SMYD3: variants seen among roughly 807,000 people sequenced by gnomAD.
SMYD3 encodes the protein histone-lysine N-methyltransferase SMYD3.
Under a neutral mutation model 57.7 loss-of-function variants are expected in SMYD3, and 36 were observed. That is an observed-to-expected ratio of 0.62 (90% confidence interval 0.48 to 0.82). The LOEUF is 0.82. Among genes scored for constraint, SMYD3 ranks in the 40% least tolerant of loss-of-function variants. The pLI is 0.00. For missense variants in SMYD3, 515 were observed against 538.8 expected (o/e 0.96, Z 0.44); for synonymous variants, 211 against 195.0 (o/e 1.08, Z -0.68).
chr1:245,896,051 T>C (rs1001193110), intron 8 of SMYD3, among the ~76,000 whole-genome samples: 49 of 152,184 alleles, frequency 3.2e-4, no homozygotes, highest in African/African-American at 1.1e-3. Flanking sequence ...TATTAAACTG[T>C]TTCCAGAATG....
intron 5 of SMYD3, among the ~76,000 whole-genome samples, chr1:245,971,219 T>C (rs1230856421): frequency 6.6e-6 from 1 of 152,152 alleles, no homozygotes. Flanking sequence ...ACACCACATG[T>C]TCTCACTCTT....
chr1:246,474,290 C>T (rs911964837), intron 1 of SMYD3, among the ~76,000 whole-genome samples: 28 of 151,912 alleles, frequency 1.8e-4, no homozygotes, highest in African/African-American at 6.5e-4. Context: ...GGGGCCAAGG[C>T]GGGTGGATCA....
In SMYD3 at chr1:246,444,416, G is replaced by A. The variant is rs145451580; in HGVS notation, c.164+62638C>T. Among the ~76,000 whole-genome samples, 1,143 of 152,134 alleles carry A rather than the reference G, an allele frequency of 7.5e-3. 12 individuals are homozygous for A. Among genetic ancestry groups the A allele is most frequent in the African/African-American group, 0.025 (1,044 of 41,516 alleles). Reference sequence around the variant, plus strand: ...TGGGATTACAGGCATGAGCCATCGCGCCCAGCCCCAGAACCTAAGAATTCT... The same window carrying A: ...TGGGATTACAGGCATGAGCCATCGCACCCAGCCCCAGAACCTAAGAATTCT... On this transcript the variant is annotated intron_variant, in intron 1 of 11. Transcript: ENST00000490107.
intron 5 of SMYD3, among the ~76,000 whole-genome samples, chr1:246,218,395 A>G (rs1000506355): frequency 5.3e-5 from 8 of 152,042 alleles, no homozygotes; most frequent in Non-Finnish European, 1.0e-4. Context: ...AGGCCGAGGC[A>G]GGCGGATCAC....
At chr1:245,885,358 G>C (rs1157695010) in intron 8 of SMYD3, among the ~76,000 whole-genome samples, 1 of 152,118 alleles carries the variant, frequency 6.6e-6, no homozygotes, top group East Asian at 1.9e-4. Context: ...AACATGCCTG[G>C]CCCCCAGGTA....
chr1:245,911,657 T>C (rs58355982), intron 8 of SMYD3, among the ~76,000 whole-genome samples: 27,725 of 151,912 alleles, frequency 0.18, 3,270 homozygotes, highest in East Asian at 0.51. Context: ...TCTCATGTTC[T>C]CACTCATACA....
chr1:246,363,299 G>A (rs1394719118), intron 1 of SMYD3, among the ~76,000 whole-genome samples: 1 of 150,118 alleles, frequency 6.7e-6, no homozygotes, highest in Non-Finnish European at 1.5e-5. Context: ...AGGGAGGTGG[G>A]GGGGTCAGCC....
intron 5 of SMYD3, among the ~76,000 whole-genome samples, chr1:246,276,503 G>A (rs1464258387): frequency 6.7e-6 from 1 of 148,856 alleles, no homozygotes; most frequent in Non-Finnish European, 1.5e-5. Context: ...GCCCATGTTT[G>A]AATACTAACT....
chr1:246,399,306 G>A (rs1572462266), intron 1 of SMYD3, among the ~76,000 whole-genome samples: 1 of 152,016 alleles, frequency 6.6e-6, no homozygotes. Context: ...TTACAGGTGT[G>A]AGCCACCTTG....
chr1:246,481,611 CATACATATAT>C (rs1258680125), intron 1 of SMYD3, among the ~76,000 whole-genome samples: 2 of 35,400 alleles, frequency 5.6e-5, no homozygotes, highest in Non-Finnish European at 5.0e-5. Flanking sequence ...TATATATACA[CATACATATAT>C]ACATACATAC....
intron 1 of SMYD3, among the ~76,000 whole-genome samples, chr1:246,427,354 A>T (rs1475823104): frequency 2.0e-5 from 3 of 151,258 alleles, no homozygotes. Context: ...CCCCGTCTCT[A>T]CTAAAAATAC....
chr1:246,044,466 A>C (rs533998938), intron 5 of SMYD3, among the ~76,000 whole-genome samples: 2 of 152,336 alleles, frequency 1.3e-5, no homozygotes, highest in South Asian at 4.1e-4. Flanking sequence ...ACTTGCAAAT[A>C]AATGGGTTGT....
At chr1:246,296,261 T>G (rs2064792904) in intron 5 of SMYD3, among the ~76,000 whole-genome samples, 1 of 152,194 alleles carries the variant, frequency 6.6e-6, no homozygotes, top group Admixed American at 6.5e-5. Flanking sequence ...AGTACTTGTT[T>G]CTACAACGAT....
intron 5 of SMYD3, among the ~76,000 whole-genome samples, chr1:246,076,495 T>TAA (rs143412507): frequency 4.0e-5 from 6 of 151,542 alleles, no homozygotes; most frequent in African/African-American, 1.5e-4. Context: ...CCTCTGGGTT[T>TAA]AAAAAAAAAT....
chr1:246,152,972 T>C (rs997571895), intron 5 of SMYD3, among the ~76,000 whole-genome samples: 1 of 152,200 alleles, frequency 6.6e-6, no homozygotes, highest in African/African-American at 2.4e-5. Flanking sequence ...TAAGCTTTGA[T>C]GGAGGAAATC....
intron 8 of SMYD3, among the ~76,000 whole-genome samples, chr1:245,902,448 G>T (rs1454426345): frequency 6.6e-6 from 1 of 152,202 alleles, no homozygotes; most frequent in Non-Finnish European, 1.5e-5. Context: ...CTATCTGGGG[G>T]CTGGAAGATA....
chr1:246,259,092 C>G (rs2063952204), intron 5 of SMYD3, among the ~76,000 whole-genome samples: 1 of 152,004 alleles, frequency 6.6e-6, no homozygotes, highest in African/African-American at 2.4e-5. Context: ...AGATATTTAT[C>G]TCTTCCTTCA....
intron 10 of SMYD3, among the ~76,000 whole-genome samples, chr1:245,796,863 T>A (rs1304810728): frequency 6.6e-6 from 1 of 152,150 alleles, no homozygotes; most frequent in African/African-American, 2.4e-5. Context: ...AGGCTCAGCA[T>A]TTTTTTCTCT....
chr1:246,433,741 A>G (rs1403211042), intron 1 of SMYD3, among the ~76,000 whole-genome samples: 1 of 152,226 alleles, frequency 6.6e-6, no homozygotes, highest in African/African-American at 2.4e-5. Flanking sequence ...TCAAACTACC[A>G]ACATCATTTT....
Sources: gnomAD v4.1 joint callset for allele counts (sites outside exome capture counted in the v4.1 genomes callset) on GRCh38, gnomAD v4.1.1 for gene constraint, MANE v1.5 for transcripts, NCBI Gene and HGNC (gene_info 2026-07-23, HGNC 2026-07-21) for gene names.